FSTL4: variants seen among roughly 807,000 people sequenced by gnomAD.
FSTL4 encodes the protein follistatin like 4.
FSTL4 carries 28 observed loss-of-function variants against 78.2 expected under a neutral mutation model. The observed-to-expected ratio is 0.36, with a 90% confidence interval of 0.27 to 0.49. The LOEUF is 0.49. FSTL4 is among the 20% of genes least tolerant of loss of function. The probability of loss-of-function intolerance (pLI) is 0.98; values close to 1 mark genes in which losing one functional copy is unlikely to be tolerated. For missense variants in FSTL4, 922 were observed against 1,084.9 expected (o/e 0.85, Z 2.11); for synonymous variants, 422 against 440.5 (o/e 0.96, Z 0.53).
intron 2 of FSTL4, among the ~76,000 whole-genome samples, chr5:133,581,555 GC>G (rs1760409036): frequency 1.3e-5 from 2 of 152,250 alleles, no homozygotes; most frequent in Admixed American, 6.5e-5. Context: ...TTGTGCCTGG[GC>G]AAAGGCACAG....
chr5:133,759,454 A>C, the FSTL4 span, among the ~76,000 whole-genome samples: 95,677 of 152,016 alleles, frequency 0.63, 30,374 homozygotes, highest in Non-Finnish European at 0.67. Flanking sequence ...GGGAATGTAT[A>C]CTGACCCAAA....
chr5:133,304,048 C>T (rs1753605881), intron 6 of FSTL4, among the ~76,000 whole-genome samples: 1 of 152,178 alleles, frequency 6.6e-6, no homozygotes, highest in African/African-American at 2.4e-5. Context: ...CTCTGGAAGG[C>T]TCAGGCATTC....
chr5:133,485,191 G>A (rs559853495), intron 3 of FSTL4, among the ~76,000 whole-genome samples: 110 of 152,336 alleles, frequency 7.2e-4, no homozygotes, highest in South Asian at 3.9e-3. Flanking sequence ...TGGCCACAAA[G>A]AGGACACTTC....
At chr5:133,421,454 G>A (rs1756693473) in intron 3 of FSTL4, among the ~76,000 whole-genome samples, 1 of 152,254 alleles carries the variant, frequency 6.6e-6, no homozygotes, top group Non-Finnish European at 1.5e-5. Context: ...CCTGCTGTCT[G>A]TATACTTTCC....
chr5:133,382,395 G>A (rs1018018845), intron 4 of FSTL4, among the ~76,000 whole-genome samples: 16 of 152,158 alleles, frequency 1.1e-4, no homozygotes, highest in African/African-American at 3.6e-4. Flanking sequence ...ATTTCTTTAC[G>A]TGGGTAATAA....
the FSTL4 span, among the ~76,000 whole-genome samples, chr5:133,677,877 A>G: frequency 6.6e-6 from 1 of 152,256 alleles, no homozygotes; most frequent in Non-Finnish European, 1.5e-5. Flanking sequence ...AGAATGCAAT[A>G]AACAAGCCAA....
the FSTL4 span, among the ~76,000 whole-genome samples, chr5:133,664,220 A>G: frequency 3.9e-5 from 6 of 152,168 alleles, no homozygotes; most frequent in Middle Eastern, 3.2e-3. Context: ...CAAGGGACCC[A>G]TTCTACTCTA....
chr5:133,601,554 G>C (rs1340767864), intron 2 of FSTL4, among the ~76,000 whole-genome samples: 1 of 152,230 alleles, frequency 6.6e-6, no homozygotes, highest in Non-Finnish European at 1.5e-5. Flanking sequence ...GAGGCCCCTG[G>C]TGGGCAGGGG....
chr5:133,765,421 G>A, the FSTL4 span, among the ~76,000 whole-genome samples: 1 of 152,216 alleles, frequency 6.6e-6, no homozygotes, highest in Admixed American at 6.5e-5. Flanking sequence ...CACCATGGAG[G>A]ACAGAACAGG....
intron 2 of FSTL4, among the ~76,000 whole-genome samples, chr5:133,588,373 C>T (rs1324751953): frequency 4.6e-5 from 3 of 64,570 alleles, no homozygotes; most frequent in Admixed American, 1.5e-4. Flanking sequence ...AGAAAATTTT[C>T]GCAACCTACG....
the FSTL4 span, among the ~76,000 whole-genome samples, chr5:133,636,071 T>G: frequency 0.073 from 11,184 of 152,212 alleles, 555 homozygotes; most frequent in Admixed American, 0.16. Flanking sequence ...TAATAGTCCC[T>G]CAATAAATGT....
At chr5:133,736,030 A>G in the FSTL4 span, among the ~76,000 whole-genome samples, 2 of 152,206 alleles carry the variant, frequency 1.3e-5, no homozygotes, top group African/African-American at 4.8e-5. Context: ...CCTGGCATGG[A>G]TGCTATCAGG....
intron 3 of FSTL4, among the ~76,000 whole-genome samples, chr5:133,409,843 A>G (rs1359834578): frequency 6.6e-6 from 1 of 152,182 alleles, no homozygotes; most frequent in Non-Finnish European, 1.5e-5. Flanking sequence ...TGGAGACTGT[A>G]GAAAGCCCTC....
intron 15 of FSTL4, among the ~76,000 whole-genome samples, chr5:133,200,187 A>G (rs1005434788): frequency 6.6e-6 from 1 of 152,234 alleles, no homozygotes; most frequent in Non-Finnish European, 1.5e-5. Context: ...AGGGCAAGAG[A>G]TCCCTGCCCC....
At chr5:133,292,456 G>A (rs989187079) in intron 6 of FSTL4, among the ~76,000 whole-genome samples, 5 of 151,932 alleles carry the variant, frequency 3.3e-5, no homozygotes, top group African/African-American at 4.8e-5. Flanking sequence ...CACAGTGGCC[G>A]CTCCAGGAGG....
chr5:133,601,256 C>T (rs902283617), intron 2 of FSTL4, among the ~76,000 whole-genome samples: 1 of 152,160 alleles, frequency 6.6e-6, no homozygotes, highest in East Asian at 1.9e-4. Context: ...TATCGATTGG[C>T]TTAAAAATGC....
the FSTL4 span, among the ~76,000 whole-genome samples, chr5:133,737,682 A>T: frequency 6.9e-6 from 1 of 144,120 alleles, no homozygotes; most frequent in East Asian, 2.1e-4. Context: ...TCAGCTCACT[A>T]CAACCTCTAC....
At chr5:133,526,933 T>C (rs1407600186) in intron 3 of FSTL4, among the ~76,000 whole-genome samples, 1 of 152,016 alleles carries the variant, frequency 6.6e-6, no homozygotes, top group East Asian at 1.9e-4. Flanking sequence ...AGTTTCCAAG[T>C]CCTCCTTTTT....
the FSTL4 span, among the ~76,000 whole-genome samples, chr5:133,803,365 G>A: frequency 1.3e-5 from 2 of 152,104 alleles, no homozygotes; most frequent in African/African-American, 4.8e-5. Flanking sequence ...AGCTGGCCAG[G>A]CAACAGTAAG....
Sources: gnomAD v4.1 joint callset for allele counts (sites outside exome capture counted in the v4.1 genomes callset) on GRCh38, gnomAD v4.1.1 for gene constraint, MANE v1.5 for transcripts, NCBI Gene and HGNC (gene_info 2026-07-23, HGNC 2026-07-21) for gene names.